The following MAP2K4 variants were observed in gnomAD, a reference collection of about 807,000 sequenced individuals.
The protein encoded by MAP2K4 is dual specificity mitogen-activated protein kinase kinase 4.
MAP2K4 carries 4 observed loss-of-function variants against 48.5 expected under a neutral mutation model. That is an observed-to-expected ratio of 0.08 (90% CI 0.04 to 0.19). The LOEUF (loss-of-function observed/expected upper bound fraction) is 0.19, where lower values mean the gene tolerates loss of function less well. Among genes scored for constraint, MAP2K4 ranks in the 10% least tolerant of loss-of-function variants. MAP2K4 has a pLI of 1.00. For synonymous variants in MAP2K4, 166 were observed against 173.1 expected, an observed-to-expected ratio of 0.96 and a Z score of 0.32; for missense variants, 258 against 493.3, an observed-to-expected ratio of 0.52 and a Z score of 4.52.
At chr17:12,038,177 A>C (rs7216687) in intron 1 of MAP2K4, among the ~76,000 whole-genome samples, 7 of 151,908 alleles carry the variant, frequency 4.6e-5, no homozygotes. Context: ...GTTTCCAGAG[A>C]GTATTCCCAA....
intron 1 of MAP2K4, among the ~76,000 whole-genome samples, chr17:12,049,991 T>C (rs1970083521): frequency 6.6e-6 from 1 of 152,218 alleles, no homozygotes; most frequent in African/African-American, 2.4e-5. Context: ...TGAAGTACTT[T>C]GCTGTTACTA....
At chr17:12,021,139 G>C (rs1247865856) in intron 1 of MAP2K4, 138 bp downstream of exon 1, 18 of 454,578 alleles carry the variant, frequency 4.0e-5, no homozygotes, top group Non-Finnish European at 5.9e-5. Context: ...TCCCTCCCCG[G>C]CTTCCCGCCC....
At chr17:12,037,016 G>A (rs1017330202) in intron 1 of MAP2K4, among the ~76,000 whole-genome samples, 18 of 152,028 alleles carry the variant, frequency 1.2e-4, no homozygotes, top group East Asian at 1.9e-4. Context: ...TTTTGGTGGC[G>A]TTAAAAACTT....
chr17:12,139,617 T>A (rs1017743), intron 9 of MAP2K4, among the ~76,000 whole-genome samples: 37,598 of 152,162 alleles, frequency 0.25, 4,954 homozygotes, highest in Non-Finnish European at 0.29. Context: ...TTCTAATTTT[T>A]AACTAATCAT....
intron 1 of MAP2K4, among the ~76,000 whole-genome samples, chr17:12,050,032 T>C (rs1238647614): frequency 6.6e-6 from 1 of 152,216 alleles, no homozygotes; most frequent in African/African-American, 2.4e-5. Flanking sequence ...CTATCAAATA[T>C]GGTGATATCA....
intron 2 of MAP2K4, among the ~76,000 whole-genome samples, chr17:12,069,443 C>T (rs948672906): frequency 6.6e-6 from 1 of 152,076 alleles, no homozygotes. Flanking sequence ...GAATGTTTGT[C>T]TTGTCCTCTT....
chr17:12,039,201 G>C (rs1045106184), intron 1 of MAP2K4, among the ~76,000 whole-genome samples: 1 of 152,228 alleles, frequency 6.6e-6, no homozygotes, highest in Non-Finnish European at 1.5e-5. Context: ...GGTACAGCTG[G>C]AGAAGATTAG....
chr17:12,098,619 A>G (rs756748945), intron 4 of MAP2K4, among the ~76,000 whole-genome samples: 10 of 152,080 alleles, frequency 6.6e-5, no homozygotes, highest in Non-Finnish European at 1.2e-4. Flanking sequence ...TTTTGGTGAC[A>G]TGACCTTCAG....
At chr17:12,133,268 G>C (rs553891685) in intron 9 of MAP2K4, among the ~76,000 whole-genome samples, 1 of 152,290 alleles carries the variant, frequency 6.6e-6, no homozygotes, top group Non-Finnish European at 1.5e-5. Context: ...GTTTAATAGA[G>C]ATGGGGTTTC....
chr17:12,084,871 C>G (rs1971308234), intron 3 of MAP2K4, among the ~76,000 whole-genome samples: 1 of 152,126 alleles, frequency 6.6e-6, no homozygotes, highest in Non-Finnish European at 1.5e-5. Context: ...GGAGAAACAC[C>G]TAGCATCATC....
chr17:12,073,072 G>A (rs1428732039), intron 2 of MAP2K4, among the ~76,000 whole-genome samples: 1 of 152,176 alleles, frequency 6.6e-6, no homozygotes, highest in Non-Finnish European at 1.5e-5. Flanking sequence ...AAACAAAGAT[G>A]AAAATATGAA....
chr17:12,072,789 T>G (rs1970860108), intron 2 of MAP2K4, among the ~76,000 whole-genome samples: 1 of 152,204 alleles, frequency 6.6e-6, no homozygotes, highest in Non-Finnish European at 1.5e-5. Context: ...AAAATTTATT[T>G]CTATAAAATT....
intron 2 of MAP2K4, among the ~76,000 whole-genome samples, chr17:12,070,386 A>G (rs1266032229): frequency 6.6e-6 from 1 of 152,170 alleles, no homozygotes; most frequent in Non-Finnish European, 1.5e-5. Context: ...TACTTACCTA[A>G]GTGATGAGAG....
intron 2 of MAP2K4, among the ~76,000 whole-genome samples, chr17:12,079,912 C>T (rs1021712459): frequency 7.2e-5 from 11 of 152,096 alleles, no homozygotes; most frequent in African/African-American, 1.9e-4. Context: ...CACTGATTTC[C>T]GGGCTTCTTG....
chr17:12,054,861 CT>C (rs753207601), intron 1 of MAP2K4, 27 bp from the exon 2 acceptor site: 2 of 1,493,200 alleles, frequency 1.3e-6, no homozygotes, highest in Admixed American at 1.7e-5. Context: ...GTACTTGAAA[CT>C]TTTACTTTTT....
At chr17:12,117,425 C>T (rs1015082828) in intron 7 of MAP2K4, among the ~76,000 whole-genome samples, 4 of 152,026 alleles carry the variant, frequency 2.6e-5, no homozygotes, top group African/African-American at 9.7e-5. Context: ...AAAAAAGACC[C>T]TTGTGGCCCC....
chr17:12,129,735 G>A (rs1972966302), intron 9 of MAP2K4, among the ~76,000 whole-genome samples: 1 of 152,188 alleles, frequency 6.6e-6, no homozygotes, highest in Non-Finnish European at 1.5e-5. Context: ...TTGGTTATAT[G>A]TAGTAGGGTC....
chr17:12,115,698 C>T (rs878902853), intron 7 of MAP2K4: 4 of 760,168 alleles, frequency 5.3e-6, no homozygotes, highest in African/African-American at 3.4e-5. Flanking sequence ...GAACAAACTT[C>T]AAGCCAACTC....
At chr17:12,066,136 CTT>C (rs56698550) in intron 2 of MAP2K4, among the ~76,000 whole-genome samples, 7 of 101,724 alleles carry the variant, frequency 6.9e-5, no homozygotes, top group Admixed American at 1.0e-4. Context: ...TTCTTTCTTT[CTT>C]TTTTTTTTTT....
Sources: gnomAD v4.1 joint callset for allele counts (sites outside exome capture counted in the v4.1 genomes callset) on GRCh38, gnomAD v4.1.1 for gene constraint, MANE v1.5 for transcripts, NCBI Gene and HGNC (gene_info 2026-07-23, HGNC 2026-07-21) for gene names.